ATP2B2: variants seen among roughly 807,000 people sequenced by gnomAD.
ATP2B2 encodes the protein ATPase plasma membrane Ca2+ transporting 2, also known as plasma membrane calcium-transporting ATPase 2.
A neutral mutation model predicts 120.0 loss-of-function variants in ATP2B2; 15 were observed. The observed-to-expected ratio is 0.12, with a 90% CI of 0.08 to 0.19. The LOEUF (loss-of-function observed/expected upper bound fraction) is 0.19, where lower values mean the gene tolerates loss of function less well. ATP2B2 is among the 10% of genes least tolerant of loss of function. The probability of loss-of-function intolerance (pLI) is 1.00; values close to 1 mark genes in which losing one functional copy is unlikely to be tolerated. For synonymous variants in ATP2B2, 694 were observed against 700.3 expected (o/e 0.99, Z 0.14); for missense variants, 1,045 against 1,719.8 (o/e 0.61, Z 6.94).
At chr3:10,423,675 T>G (rs2063061814) in intron 2 of ATP2B2, among the ~76,000 whole-genome samples, 1 of 152,200 alleles carries the variant, frequency 6.6e-6, no homozygotes, top group African/African-American at 2.4e-5. Flanking sequence ...AGCACTTCCC[T>G]GTCCCTCCAG....
At chr3:10,587,763 GTTTGTT>G (rs2068548138) in intron 2 of ATP2B2, among the ~76,000 whole-genome samples, 1 of 152,052 alleles carries the variant, frequency 6.6e-6, no homozygotes, top group African/African-American at 2.4e-5. Context: ...TTGTTTGTTT[GTTTGTT>G]TGTTTGTTTC....
chr3:10,550,551 T>C (rs184381345), intron 2 of ATP2B2, among the ~76,000 whole-genome samples: 186 of 152,328 alleles, frequency 1.2e-3, no homozygotes, highest in African/African-American at 4.4e-3. Context: ...GAAGTACAGC[T>C]GCATCAAACA....
At chr3:10,690,476 CTATA>C (rs1553651006) in intron 1 of ATP2B2, among the ~76,000 whole-genome samples, 24 of 150,454 alleles carry the variant, frequency 1.6e-4, no homozygotes, top group African/African-American at 3.0e-4. Context: ...ATCTATCTAT[CTATA>C]TATCTCCTTC....
intron 1 of ATP2B2, among the ~76,000 whole-genome samples, chr3:10,683,760 GTATATATATATATA>G (rs71055831): frequency 0.095 from 5,104 of 53,948 alleles, 479 homozygotes; most frequent in Middle Eastern, 0.23. Context: ...GTGTGTGTGT[GTATATATATATATA>G]TATATATATA....
In ATP2B2 at chr3:10,543,698, G is replaced by C. The variant is rs141703161; in HGVS notation, c.-414-9565C>G. Among the ~76,000 whole-genome samples, 9 of 151,150 alleles carry C rather than the reference G, an allele frequency of 6.0e-5. No individual in the cohort carries two copies. The East Asian group carries it at 1.7e-3, about 29-fold the overall frequency. ...ATTTCTAGTATTGTAAATTTGGAGA[G>C]ATATAACCTACACAATCAACACTCT... On this transcript the variant is annotated intron_variant, in intron 2 of 21. Transcript: ENST00000646379.
chr3:10,341,823 C>G (rs571111039), intron 19 of ATP2B2, among the ~76,000 whole-genome samples: 1 of 152,222 alleles, frequency 6.6e-6, no homozygotes, highest in Non-Finnish European at 1.5e-5. Context: ...TTCCTCTAAG[C>G]TTTTTCATGA....
At chr3:10,404,042 G>A (rs2062325374) in intron 3 of ATP2B2, among the ~76,000 whole-genome samples, 1 of 152,236 alleles carries the variant, frequency 6.6e-6, no homozygotes, top group Non-Finnish European at 1.5e-5. Context: ...AGAAGTCCAA[G>A]TGACACTCAA....
intron 1 of ATP2B2, among the ~76,000 whole-genome samples, chr3:10,455,797 T>C (rs1178383279): frequency 6.6e-6 from 1 of 152,226 alleles, no homozygotes; most frequent in Non-Finnish European, 1.5e-5. Context: ...TCCTCCTTGT[T>C]TTCCCAGCTC....
At chr3:10,640,719 T>C (rs756581093) in intron 1 of ATP2B2, among the ~76,000 whole-genome samples, 1 of 147,090 alleles carries the variant, frequency 6.8e-6, no homozygotes, top group Non-Finnish European at 1.5e-5. Context: ...CCATTCCCCA[T>C]TGCTGCCTCC....
intron 1 of ATP2B2, among the ~76,000 whole-genome samples, chr3:10,682,260 T>A (rs2071401630): frequency 6.6e-6 from 1 of 152,206 alleles, no homozygotes; most frequent in Non-Finnish European, 1.5e-5. Context: ...GATAGCAAGT[T>A]TGGGCCACTG....
intron 1 of ATP2B2, among the ~76,000 whole-genome samples, chr3:10,705,801 C>CA (rs1285863217): frequency 1.3e-5 from 2 of 152,242 alleles, no homozygotes; most frequent in Non-Finnish European, 2.9e-5. Context: ...ATAAACTCCA[C>CA]AAGGTTGCAG....
At chr3:10,358,568 T>C in intron 14 of ATP2B2, 123 bp downstream of exon 14, 1 of 950,502 alleles carries the variant, frequency 1.1e-6, no homozygotes, top group Non-Finnish European at 1.6e-6. Context: ...AGGAAGGAAA[T>C]CCCCATGGGC....
intron 2 of ATP2B2, among the ~76,000 whole-genome samples, chr3:10,606,901 A>G (rs2069084631): frequency 3.2e-5 from 1 of 31,090 alleles, no homozygotes; most frequent in African/African-American, 1.0e-4. Context: ...ACACACACAC[A>G]CACACACACA....
intron 12 of ATP2B2, among the ~76,000 whole-genome samples, chr3:10,370,071 C>A (rs891702548): frequency 6.6e-6 from 1 of 152,218 alleles, no homozygotes; most frequent in Non-Finnish European, 1.5e-5. Flanking sequence ...GACCGACTGA[C>A]CCCTGTCCTT....
chr3:10,467,369 C>T (rs1388018315), intron 1 of ATP2B2, among the ~76,000 whole-genome samples: 2 of 152,196 alleles, frequency 1.3e-5, no homozygotes, highest in East Asian at 3.9e-4. Context: ...CCTTGAGAGC[C>T]CCGCTCCAGG....
At chr3:10,400,887 AGGGGACACACAGG>A in intron 5 of ATP2B2, 53 bp downstream of exon 5, 1 of 1,609,134 alleles carries the variant, frequency 6.2e-7, no homozygotes, top group Non-Finnish European at 8.5e-7. Flanking sequence ...AGCCTCATGA[AGGGGACACACAGG>A]CATCCCCTGT....
intron 5 of ATP2B2, among the ~76,000 whole-genome samples, chr3:10,394,100 G>A (rs1471157850): frequency 6.6e-6 from 1 of 152,040 alleles, no homozygotes; most frequent in Non-Finnish European, 1.5e-5. Flanking sequence ...TTGATCTCTT[G>A]CGTGTGACCT....
At chr3:10,374,430 C>T (rs550656907) in intron 11 of ATP2B2, among the ~76,000 whole-genome samples, 65 of 152,350 alleles carry the variant, frequency 4.3e-4, no homozygotes, top group Non-Finnish European at 6.8e-4. Flanking sequence ...GAAATTACAT[C>T]GGAGAGCCCA....
At chr3:10,651,459 T>C (rs558020069) in intron 1 of ATP2B2, among the ~76,000 whole-genome samples, 6 of 152,344 alleles carry the variant, frequency 3.9e-5, no homozygotes, top group Admixed American at 3.3e-4. Flanking sequence ...TCTTGTCTGC[T>C]GCCACGTGAG....
Sources: gnomAD v4.1 joint callset for allele counts (sites outside exome capture counted in the v4.1 genomes callset) on GRCh38, gnomAD v4.1.1 for gene constraint, MANE v1.5 for transcripts, NCBI Gene and HGNC (gene_info 2026-07-23, HGNC 2026-07-21) for gene names.